Variants in DSTN observed in about 807,000 individuals in gnomAD.
The protein encoded by DSTN is destrin.
A neutral mutation model predicts 16.8 loss-of-function variants in DSTN; 10 were observed. That is an observed-to-expected ratio of 0.60 (90% CI 0.37 to 1.01). DSTN has a LOEUF of 1.01. Among genes scored for constraint, DSTN ranks in the 50% least tolerant of loss-of-function variants. The probability of loss-of-function intolerance (pLI) is 0.01; values close to 1 mark genes in which losing one functional copy is unlikely to be tolerated. For synonymous variants in DSTN, 57 were observed against 58.9 expected (o/e 0.97, Z 0.14); for missense variants, 141 against 196.7 (o/e 0.72, Z 1.69).
intron 3 of DSTN, among the ~76,000 whole-genome samples, chr20:17,605,414 G>A (rs184170030): frequency 6.6e-6 from 1 of 152,362 alleles, no homozygotes; most frequent in East Asian, 1.9e-4. Context: ...TGCCATGGCT[G>A]TTTCCAAACA....
At chr20:17,583,196 A>AT in intron 1 of DSTN, among the ~76,000 whole-genome samples, 2 of 152,356 alleles carry the variant, frequency 1.3e-5, no homozygotes, top group East Asian at 3.9e-4. Context: ...ATTGTAGCAA[A>AT]TGTTGGCCAG....
At chr20:17,584,397 C>T (rs1410781627) in intron 1 of DSTN, among the ~76,000 whole-genome samples, 1 of 152,122 alleles carries the variant, frequency 6.6e-6, no homozygotes, top group Non-Finnish European at 1.5e-5. Flanking sequence ...CGCCTGTAAT[C>T]CCTGCACTTT....
chr20:17,591,926 C>T, intron 1 of DSTN: 1 of 985,298 alleles, frequency 1.0e-6, no homozygotes, highest in Non-Finnish European at 1.2e-6. Context: ...CTAATCTTTA[C>T]CCCAGATTTT....
At chr20:17,577,747 ATTGT>A (rs1303078395) in intron 1 of DSTN, among the ~76,000 whole-genome samples, 1 of 152,166 alleles carries the variant, frequency 6.6e-6, no homozygotes, top group African/African-American at 2.4e-5. Context: ...TTACATATAA[ATTGT>A]TTGAAATCCA....
intron 2 of DSTN, among the ~76,000 whole-genome samples, chr20:17,603,509 C>T (rs1236979413): frequency 6.6e-6 from 1 of 152,188 alleles, no homozygotes; most frequent in Admixed American, 6.5e-5. Flanking sequence ...TGTACTGCAT[C>T]TTCTCTGTGA....
intron 1 of DSTN, among the ~76,000 whole-genome samples, chr20:17,589,992 G>A (rs969012157): frequency 2.0e-5 from 3 of 152,272 alleles, no homozygotes; most frequent in African/African-American, 7.2e-5. Flanking sequence ...TGTAGCCAAG[G>A]TCAGGTGTCT....
chr20:17,604,542 T>G lies in DSTN; in HGVS notation c.312-13T>G. The G allele has an allele frequency of 6.2e-7, 1 of 1,602,972 alleles. No individual in the cohort carries two copies. Among genetic ancestry groups the G allele is most frequent in the Non-Finnish European group, 8.5e-7 (1 of 1,177,506 alleles). On this transcript the variant is annotated splice_polypyrimidine_tract_variant and intron_variant, in intron 2 of 3. Transcript: ENST00000246069. Reference sequence around the variant, plus strand: ...TAAACCACTTTTTTCATTTTTGGCATCTTTCTATCTAGGGCACCAGAACTA... The same window carrying G: ...TAAACCACTTTTTTCATTTTTGGCAGCTTTCTATCTAGGGCACCAGAACTA...
chr20:17,589,964 T>A (rs1416475089), intron 1 of DSTN, among the ~76,000 whole-genome samples: 2 of 152,204 alleles, frequency 1.3e-5, no homozygotes, highest in Non-Finnish European at 2.9e-5. Context: ...TCATGTGAAG[T>A]TTAGTTGTCA....
chr20:17,578,023 G>T (rs1600699713), intron 1 of DSTN, among the ~76,000 whole-genome samples: 1 of 152,344 alleles, frequency 6.6e-6, no homozygotes, highest in South Asian at 2.1e-4. Flanking sequence ...CATGTGGCTA[G>T]TGGCCACTTT....
intron 1 of DSTN, among the ~76,000 whole-genome samples, chr20:17,580,873 G>A (rs2035335948): frequency 6.6e-6 from 1 of 152,176 alleles, no homozygotes; most frequent in African/African-American, 2.4e-5. Context: ...AGCATTTAGG[G>A]CAGAAGGAAC....
intron 1 of DSTN, among the ~76,000 whole-genome samples, chr20:17,582,138 G>A (rs2035353176): frequency 6.9e-6 from 1 of 145,608 alleles, no homozygotes; most frequent in Non-Finnish European, 1.5e-5. Context: ...GAGTGCAATA[G>A]CGTGATCTTG....
intron 1 of DSTN, among the ~76,000 whole-genome samples, chr20:17,600,489 A>G (rs1378500649): frequency 2.0e-5 from 3 of 152,214 alleles, no homozygotes; most frequent in African/African-American, 7.2e-5. Flanking sequence ...GTTCTAGGGT[A>G]GGAGAGGCTG....
chr20:17,605,022 A>G, intron 3 of DSTN: 2 of 454,036 alleles, frequency 4.4e-6, no homozygotes, highest in Admixed American at 2.4e-5. Flanking sequence ...CAAAAAGGAA[A>G]TGTACCTAAA....
At chr20:17,587,439 T>C (rs1264473656) in intron 1 of DSTN, among the ~76,000 whole-genome samples, 1 of 152,142 alleles carries the variant, frequency 6.6e-6, no homozygotes, top group Admixed American at 6.5e-5. Context: ...AGTCAGGCCC[T>C]CTTGTATGAA....
chr20:17,592,279 T>C (rs996368393), intron 1 of DSTN, among the ~76,000 whole-genome samples: 1 of 151,758 alleles, frequency 6.6e-6, no homozygotes, highest in Admixed American at 6.6e-5. Context: ...ATACAAAAAT[T>C]AGCTGGGTGT....
intron 1 of DSTN, 90 bp downstream of exon 1, chr20:17,570,301 C>T: frequency 7.3e-7 from 1 of 1,370,374 alleles, no homozygotes; most frequent in Non-Finnish European, 9.4e-7. Flanking sequence ...AGGGGGTGAG[C>T]CGTGCCTCAG....
intron 1 of DSTN, among the ~76,000 whole-genome samples, chr20:17,571,167 C>G (rs1019662458): frequency 6.6e-6 from 1 of 152,228 alleles, no homozygotes; most frequent in Non-Finnish European, 1.5e-5. Flanking sequence ...CTCAACTGAA[C>G]TATCAGTTGG....
chr20:17,578,756 T>A (rs1252714714), intron 1 of DSTN, among the ~76,000 whole-genome samples: 4 of 151,102 alleles, frequency 2.6e-5, no homozygotes, highest in Non-Finnish European at 5.9e-5. Context: ...AGGTCGGGAG[T>A]TCGAAACCAG....
At chr20:17,581,165 A>G (rs1268747339) in intron 1 of DSTN, among the ~76,000 whole-genome samples, 1 of 152,048 alleles carries the variant, frequency 6.6e-6, no homozygotes, top group African/African-American at 2.4e-5. Flanking sequence ...GAGACATACA[A>G]ATGGGGACAA....
Sources: gnomAD v4.1 joint callset for allele counts (sites outside exome capture counted in the v4.1 genomes callset) on GRCh38, gnomAD v4.1.1 for gene constraint, MANE v1.5 for transcripts, NCBI Gene and HGNC (gene_info 2026-07-23, HGNC 2026-07-21) for gene names.